Variants in ZNF142 observed in about 807,000 individuals in gnomAD.
The protein encoded by ZNF142 is zinc finger protein 142 (clone pHZ-49).
Under a neutral mutation model 132.1 loss-of-function variants are expected in ZNF142, and 96 were observed. That is an observed-to-expected ratio of 0.73 (90% CI 0.62 to 0.86). The LOEUF is 0.86. ZNF142 is among the 40% of genes least tolerant of loss of function. The pLI, the probability that ZNF142 is intolerant of heterozygous loss-of-function variation, is 0.00. For synonymous variants in ZNF142, 842 were observed against 890.1 expected, an observed-to-expected ratio of 0.95 and a Z score of 0.96; for missense variants, 2,163 against 2,336.2, an observed-to-expected ratio of 0.93 and a Z score of 1.53.
intron 6 of ZNF142, 71 bp from the exon 7 acceptor site, chr2:218,649,530 CA>C: frequency 2.2e-6 from 3 of 1,385,748 alleles, no homozygotes; most frequent in Non-Finnish European, 2.9e-6. Flanking sequence ...GGGAGAACCA[CA>C]ATTTGCTCAG....
At chr2:218,638,937 G>A (rs1049940937) in intron 10 of ZNF142, 129 bp from the exon 11 acceptor site, 2 of 715,594 alleles carry the variant, frequency 2.8e-6, no homozygotes, top group African/African-American at 3.6e-5. Flanking sequence ...TCTTTGGAAT[G>A]CTCCAGTCCT....
chr2:218,638,596 G>A lies in ZNF142; in HGVS notation c.5407C>T (p.Arg1803Cys), dbSNP rs766136700. 14 of 1,613,370 alleles carry A rather than the reference G, an allele frequency of 8.7e-6. No homozygotes were observed. The highest frequency in any genetic ancestry group is 6.6e-5 in the South Asian group (6 of 91,054). ...TGATGGCGCAGGCCAGCAGCCCAGC[G>A]GAAAGCACGGTGGCACACATTGCAC... is the stretch of plus-strand genomic sequence containing the variant. The part of the protein sequence containing the change: ...YVCNVCHRAF[R>C]WAAGLRHHAL... Residue 1803 changes from arginine to cysteine, a missense_variant, in exon 11 of 11, where the codon CGC becomes TGC. This residue lies in a region of ZNF142 where 325 missense variants were observed against 367.8 expected (regional missense o/e 0.88). Coordinates refer to ENST00000411696, the MANE Select transcript of ZNF142 (RefSeq NM_001379659.1).
chr2:218,638,056 C>T lies in ZNF142; in HGVS notation c.*283G>A, dbSNP rs1696855154. ...AAGATGGAGTGGGTAAAATCCAGATCTTATAGCCAGGGACTTTGATGGAGT... is the reference window on the plus strand; with the variant it reads ...AAGATGGAGTGGGTAAAATCCAGATTTTATAGCCAGGGACTTTGATGGAGT... On this transcript the variant is annotated 3_prime_UTR_variant, in exon 11 of 11. Transcript: ENST00000411696. 3.1e-6 allele frequency: 1 copy of T among 318,888 alleles called. No individual in the cohort carries two copies. Among genetic ancestry groups the T allele is most frequent in the African/African-American group, 2.1e-5 (1 of 47,030 alleles). 19.8% of individuals were successfully genotyped at this position (318,888 alleles called of 1,614,324 possible). A position where few individuals can be genotyped will look rare whatever the true frequency, so the allele number is the denominator to read the frequency against.
rs775706249 is a variant in ZNF142 at position 218,656,289 on chromosome 2, C to T, written c.141G>A (p.Arg47=). 4 of 1,612,660 alleles carry T rather than the reference C, an allele frequency of 2.5e-6. No individual in the cohort carries two copies. The highest frequency in any genetic ancestry group is 3.4e-6 in the Non-Finnish European group (4 of 1,179,356). ...GCTCAGTAGGTATAGGTGCAGGGTC[C>T]CGGGAAGGACAGGGGCTCTGGACAG... The part of the protein sequence containing the change: ...LGPVQSPCPS[R]DPAPIPTEPG... The change falls in exon 4 of 11, where the codon CGG becomes CGA. Residue 47 remains arginine, a synonymous_variant. Coordinates refer to ENST00000411696, the MANE Select transcript of ZNF142 (RefSeq NM_001379659.1).
rs1275935003 is a variant in ZNF142 at position 218,634,047 on chromosome 2, A to G, written c.*4292T>C. The G allele has an allele frequency of 1.3e-6, 2 of 1,553,320 alleles. No individual in the cohort carries two copies. The highest frequency in any genetic ancestry group is 4.8e-5 in the East Asian group (2 of 41,436). Reference sequence around the variant, plus strand: ...GTGAAGAGTAGGCATGGTCCTTGGGACTAGGGAAGTGGGAGATTCCACCCC... The same window carrying G: ...GTGAAGAGTAGGCATGGTCCTTGGGGCTAGGGAAGTGGGAGATTCCACCCC... On this transcript the variant is annotated 3_prime_UTR_variant, in exon 11 of 11. Coordinates refer to ENST00000411696, the MANE Select transcript of ZNF142 (RefSeq NM_001379659.1). This position sits in a 1 kb window ranked among gnomAD's most constrained non-coding sequence, Gnocchi z 4.0.
chr2:218,656,766 A>C (rs1386640721), intron 3 of ZNF142, among the ~76,000 whole-genome samples: 2 of 151,840 alleles, frequency 1.3e-5, no homozygotes, highest in Admixed American at 6.6e-5. Context: ...TTTGGGTCTC[A>C]GATTTCTTAT....
At position 218,637,035 on chromosome 2, in the gene ZNF142, G is replaced by C. The variant is rs969568150; in HGVS notation, c.*1304C>G. ...AGGGAAGGATAAATCAAGGCTCAAGGCTTCCCCAGCAAAGATTAGGGAAAG... is the reference window on the plus strand; with the variant it reads ...AGGGAAGGATAAATCAAGGCTCAAGCCTTCCCCAGCAAAGATTAGGGAAAG... On this transcript the variant is annotated 3_prime_UTR_variant, in exon 11 of 11. Coordinates refer to ENST00000411696, the MANE Select transcript of ZNF142 (RefSeq NM_001379659.1). 42 of 406,974 alleles carry C rather than the reference G, an allele frequency of 1.0e-4. No individual in the cohort carries two copies. Among genetic ancestry groups the C allele is most frequent in the African/African-American group, 8.5e-4 (41 of 48,226 alleles). The allele number at this position is 406,974 out of a possible 1,614,324, so 25.2% of individuals were successfully genotyped here.
Position 218,643,250 on chromosome 2 carries a change from C to T in ZNF142, c.3866G>A (p.Gly1289Asp). Residue 1289 changes from glycine (G) to aspartate (D), a missense_variant, in exon 9 of 11, where the codon GGT becomes GAT. Gly to Asp is a moderately conservative substitution (Grantham distance 94). Around this residue, in one of 7 missense-constraint regions of ZNF142, gnomAD observed 809 missense variants for 801.7 expected, o/e 1.01. Coordinates refer to ENST00000411696, the MANE Select transcript of ZNF142 (RefSeq NM_001379659.1). Reference sequence around the variant, plus strand: ...TTGAACCAGAACTGTATCCCCATCACCAGAGCTGGACTCTGTACTCCCATT... The same window carrying T: ...TTGAACCAGAACTGTATCCCCATCATCAGAGCTGGACTCTGTACTCCCATT... ...PKNGSTESSS[G>D]DGDTVLVQKQ... 1 of 1,614,236 alleles carries T rather than the reference C, an allele frequency of 6.2e-7. No homozygotes were observed. The highest frequency in any genetic ancestry group is 2.2e-5 in the East Asian group (1 of 44,890).
chr2:218,650,867 G>A (rs1430373141), intron 5 of ZNF142, among the ~76,000 whole-genome samples: 1 of 152,136 alleles, frequency 6.6e-6, no homozygotes, highest in Admixed American at 6.5e-5. Context: ...GGCCTCTCCT[G>A]GCCCGTTTTC....
chr2:218,640,897 T>A lies in ZNF142; in HGVS notation c.5089-128A>T, dbSNP rs1697125913. The A allele has an allele frequency of 5.5e-6, 4 of 727,958 alleles. No homozygotes were observed. In the Admixed American group the frequency reaches 8.3e-5, roughly 15 times the overall value. The allele number at this position is 727,958 out of a possible 1,614,324, so 45.1% of individuals were successfully genotyped here. A position where few individuals can be genotyped will look rare whatever the true frequency, so the allele number is the denominator to read the frequency against. ...ATGGCAAGCAGACATTATGGAACTT[T>A]GTTTTTCTTAATCTTCAGTTTACTT... is the stretch of plus-strand genomic sequence containing the variant. On this transcript the variant is annotated intron_variant, in intron 9 of 10. Transcript: ENST00000411696.
chr2:218,646,580 TTTTC>T (rs891875143), intron 7 of ZNF142, among the ~76,000 whole-genome samples: 4 of 151,760 alleles, frequency 2.6e-5, no homozygotes, highest in African/African-American at 4.8e-5. Flanking sequence ...AAGACCAAGC[TTTTC>T]TTTTTTTTTT....
Position 218,651,867 on chromosome 2 carries a change from C to T in ZNF142, c.714G>A (p.Gln238=). 1 of 1,289,908 alleles carries T rather than the reference C, an allele frequency of 7.8e-7. No individual in the cohort carries two copies. Among genetic ancestry groups the T allele is most frequent in the Non-Finnish European group, 1.0e-6 (1 of 988,896 alleles). 79.9% of individuals were successfully genotyped at this position (1,289,908 alleles called of 1,614,324 possible). A position where few individuals can be genotyped will look rare whatever the true frequency, so the allele number is the denominator to read the frequency against. Residue 238 remains glutamine, a synonymous_variant, in exon 5 of 11, where the codon CAG becomes CAA. Transcript: ENST00000411696. ...RGCPLLFGSQ[Q]GMELHRQAHY... ...GCGCCTGCCGGTGCAGCTCCATGCC[C>T]TGCTGGCTCCCGAAAAGCAGGGGGC... is the stretch of plus-strand genomic sequence containing the variant.
chr2:218,644,374 C>G lies in ZNF142; in HGVS notation c.2742G>C (p.Glu914Asp). Residue 914 changes from glutamate (E) to aspartate (D), a missense_variant, in exon 9 of 11, where the codon GAG becomes GAC. This residue lies in a region of ZNF142 where 749 missense variants were observed against 830.3 expected (regional missense o/e 0.90). Coordinates refer to ENST00000411696, the MANE Select transcript of ZNF142 (RefSeq NM_001379659.1). This position sits in a 1 kb window ranked among gnomAD's most constrained non-coding sequence, Gnocchi z 4.6. ...ACTCCATAGGGGCTGTTTCAGTGACCTCCTCAAGGGGTGGCTCAGTCACAG... is the reference window on the plus strand; with the variant it reads ...ACTCCATAGGGGCTGTTTCAGTGACGTCCTCAAGGGGTGGCTCAGTCACAG... ...LESVTEPPLE[E>D]VTETAPMEFR... 2 of 1,613,900 alleles carry G rather than the reference C, an allele frequency of 1.2e-6. No individual in the cohort carries two copies.
chr2:218,635,910 A>G lies in ZNF142; in HGVS notation c.*2429T>C, dbSNP rs752036927. 1 of 1,613,872 alleles carries G rather than the reference A, an allele frequency of 6.2e-7. No individual in the cohort carries two copies. Among genetic ancestry groups the G allele is most frequent in the Non-Finnish European group, 8.5e-7 (1 of 1,179,902 alleles). On this transcript the variant is annotated 3_prime_UTR_variant, in exon 11 of 11. Transcript: ENST00000411696. The stretch of plus-strand genomic sequence containing the variant: ...TCGTCTAGACACAGCACGGCAGGAG[A>G]CCAACTATGTGGAGAACAATGGTGA...
In ZNF142 at chr2:218,643,702, TGGAAGCA is replaced by T; in HGVS notation, c.3407_3413del (p.Leu1136GlnfsTer79). On this transcript the variant is annotated frameshift_variant, in exon 9 of 11. Coordinates refer to ENST00000411696, the MANE Select transcript of ZNF142 (RefSeq NM_001379659.1). LOFTEE classifies it high-confidence loss of function. ...TGGGAAGCTCCAAAGGAGCATCTTT[TGGAAGCA>T]GTAGCTCTGCTTCTTGTGATGCAGG... is the stretch of plus-strand genomic sequence containing the variant. The T allele has an allele frequency of 6.3e-7, 1 of 1,585,950 alleles. No homozygotes were observed. The highest frequency in any genetic ancestry group is 8.6e-7 in the Non-Finnish European group (1 of 1,169,096).
Position 218,642,031 on chromosome 2 carries a change from G to A in ZNF142, c.5085C>T (p.Leu1695=), listed in dbSNP as rs994969796. ...CPYACADPSR[L]KYHMRIHKEE... is the part of the protein sequence containing the mutation. ...GCCCCATATCCTCTGACATTACCTTGAGACGAGAGGGATCAGCACAGGCAT... is the reference window on the plus strand; with the variant it reads ...GCCCCATATCCTCTGACATTACCTTAAGACGAGAGGGATCAGCACAGGCAT... The change falls in exon 9 of 11, where the codon CTC becomes CTT. Residue 1695 remains leucine, a synonymous_variant. Transcript: ENST00000411696. The surrounding 1 kb of genome is among the most constrained non-coding windows in gnomAD (Gnocchi z 4.6). The A allele has an allele frequency of 6.2e-7, 1 of 1,612,864 alleles. No individual in the cohort carries two copies. Among genetic ancestry groups the A allele is most frequent in the Non-Finnish European group, 8.5e-7 (1 of 1,179,152 alleles).
At position 218,644,448 on chromosome 2, in the gene ZNF142, C is replaced by G; in HGVS notation, c.2668G>C (p.Glu890Gln). The G allele has an allele frequency of 6.2e-7, 1 of 1,614,062 alleles. No individual in the cohort carries two copies. The highest frequency in any genetic ancestry group is 1.1e-5 in the South Asian group (1 of 91,084). Residue 890 changes from glutamate to glutamine, a missense_variant, in exon 9 of 11, where the codon GAG (glutamate) becomes CAG (glutamine). Glu to Gln is a conservative substitution (Grantham distance 29, BLOSUM62 2). Around this residue, in one of 7 missense-constraint regions of ZNF142, gnomAD observed 749 missense variants for 830.3 expected, o/e 0.90. Coordinates refer to ENST00000411696, the MANE Select transcript of ZNF142 (RefSeq NM_001379659.1). The surrounding 1 kb of genome is among the most constrained non-coding windows in gnomAD (Gnocchi z 4.6). ...TCTAGGTGTAGTGTGCAGCTGCCCT[C>G]CTCCACCTCTGCTGGGCTGGGACTG... is the stretch of plus-strand genomic sequence containing the variant. ...GGSPSPAEVE[E>Q]GSCTLHLEAL...
rs773968756 is a variant in ZNF142 at position 218,633,644 on chromosome 2, G to C, written c.*4695C>G. 6.2e-7 allele frequency: 1 copy of C among 1,613,486 alleles called. No individual in the cohort carries two copies. Among genetic ancestry groups the C allele is most frequent in the South Asian group, 1.1e-5 (1 of 91,058 alleles). On this transcript the variant is annotated 3_prime_UTR_variant, in exon 11 of 11. Transcript: ENST00000411696. Reference sequence around the variant, plus strand: ...CTTGTGTCCAGCCCTCTCTTCCCTGGTTATCTACTTGAAGTCTGTCTCATT... The same window carrying C: ...CTTGTGTCCAGCCCTCTCTTCCCTGCTTATCTACTTGAAGTCTGTCTCATT...
chr2:218,640,052 ACT>A (rs1697047556), intron 10 of ZNF142, among the ~76,000 whole-genome samples: 2 of 97,220 alleles, frequency 2.1e-5, no homozygotes, highest in Non-Finnish European at 3.7e-5. Context: ...ACAGAGCGAG[ACT>A]CTGTCTCAAA....
Sources: gnomAD v4.1 joint callset for allele counts (sites outside exome capture counted in the v4.1 genomes callset) on GRCh38, gnomAD v4.1.1 for gene constraint, gnomAD v4.1.1 regional missense constraint, Gnocchi (gnomAD v3.1) non-coding constraint, MANE v1.5 for transcripts, NCBI Gene and HGNC (gene_info 2026-07-23, HGNC 2026-07-21) for gene names.